LRP1B: variants seen among roughly 807,000 people sequenced by gnomAD.
The protein encoded by LRP1B is low-density lipoprotein receptor-related protein 1B.
LRP1B carries 217 observed loss-of-function variants against 556.6 expected under a neutral mutation model. The observed-to-expected ratio is 0.39, with a 90% confidence interval of 0.35 to 0.44. LRP1B has a LOEUF of 0.44. LRP1B is among the 20% of genes least tolerant of loss of function. The probability of loss-of-function intolerance (pLI) is 1.00; values close to 1 mark genes in which losing one functional copy is unlikely to be tolerated. For synonymous variants in LRP1B, 2,047 were observed against 1,865.8 expected (o/e 1.10, Z -2.50); for missense variants, 5,053 against 5,620.8 (o/e 0.90, Z 3.23).
intron 1 of LRP1B, among the ~76,000 whole-genome samples, chr2:142,099,959 G>C (rs1706513201): frequency 6.6e-6 from 1 of 151,880 alleles, no homozygotes; most frequent in South Asian, 2.1e-4. Flanking sequence ...GTGTTAGAAA[G>C]ATGTCAATTG....
rs1436053608 is a variant in LRP1B, at chr2:140,231,651, C to T, written c.*1535G>A. 2 of 151,540 alleles carry T rather than the reference C, an allele frequency of 1.3e-5. No individual in the cohort carries two copies. The highest frequency in any genetic ancestry group is 3.0e-5 in the Non-Finnish European group (2 of 67,508). The allele number at this position is 151,540 out of a possible 1,614,324, so 9.4% of individuals were successfully genotyped here. Reference sequence around the variant, plus strand: ...ACATAAATCAATAGTTTATAAAGGCCTCAATATGGCAAAGTTTAGAAATAG... The same window carrying T: ...ACATAAATCAATAGTTTATAAAGGCTTCAATATGGCAAAGTTTAGAAATAG... On this transcript the variant is annotated 3_prime_UTR_variant, in exon 91 of 91. Transcript: ENST00000389484.
Position 141,319,307 on chromosome 2 carries a change from G to GT in LRP1B, c.344-64667dup, listed in dbSNP as rs1370500448. 8.9e-4 allele frequency among the ~76,000 whole-genome samples: 79 copies of GT among 88,788 alleles called. 1 individual carries two copies. The highest frequency in any genetic ancestry group is 5.4e-3 in the South Asian group (16 of 2,956). The allele number at this position is 88,788 out of a possible 152,430, so 58.2% of individuals were successfully genotyped here. ...AGTCTCTAAAAAGCAGTGTTTTTTTGTTGTTTTTTTTTTTTTTCCTACTCT... is the reference window on the plus strand; with the variant it reads ...AGTCTCTAAAAAGCAGTGTTTTTTTGTTTGTTTTTTTTTTTTTTCCTACTCT... On this transcript the variant is annotated intron_variant, in intron 3 of 90. Transcript: ENST00000389484.
chr2:141,013,659 A>G lies in LRP1B; in HGVS notation c.2277T>C (p.Gly759=). Residue 759 remains glycine (G), a synonymous_variant, in exon 14 of 91, where the codon GGT becomes GGC. Transcript: ENST00000389484. The part of the protein sequence containing the change: ...NYVFWTDYMN[G]SIFQLDLITS... Reference sequence around the variant, plus strand: ...TTATCAAATCTAGTTGAAAAATGGAACCATTCATATAATCAGTCCAGAACA... The same window carrying G: ...TTATCAAATCTAGTTGAAAAATGGAGCCATTCATATAATCAGTCCAGAACA... 1.2e-6 allele frequency: 2 copies of G among 1,612,238 alleles called. No individual in the cohort carries two copies. The highest frequency in any genetic ancestry group is 1.7e-5 in the Admixed American group (1 of 59,806).
intron 1 of LRP1B, among the ~76,000 whole-genome samples, chr2:141,885,512 T>G (rs1248669363): frequency 1.3e-5 from 2 of 152,078 alleles, no homozygotes; most frequent in Non-Finnish European, 2.9e-5. Flanking sequence ...CAAAAAACGC[T>G]GTGGAATGAG....
At chr2:140,985,900 T>C (rs144810591) in intron 17 of LRP1B, among the ~76,000 whole-genome samples, 2,134 of 152,132 alleles carry the variant, frequency 0.014, 76 homozygotes, top group East Asian at 0.13. Flanking sequence ...AAAATGTATG[T>C]ACTTACATTT....
At chr2:141,216,991 G>A (rs1682841765) in intron 6 of LRP1B, among the ~76,000 whole-genome samples, 2 of 152,338 alleles carry the variant, frequency 1.3e-5, no homozygotes. Context: ...ATGCTGGAAT[G>A]AGGTCAGACT....
chr2:140,397,427 C>T (rs555366558), intron 66 of LRP1B, among the ~76,000 whole-genome samples: 1 of 152,060 alleles, frequency 6.6e-6, no homozygotes, highest in Non-Finnish European at 1.5e-5. Context: ...TTGAATTAGA[C>T]TTGTATTCCT....
intron 66 of LRP1B, among the ~76,000 whole-genome samples, chr2:140,438,060 C>G (rs1686263945): frequency 6.6e-6 from 1 of 152,032 alleles, no homozygotes; most frequent in Non-Finnish European, 1.5e-5. Flanking sequence ...TGTCTGTCAC[C>G]TAGGCTACAG....
chr2:140,678,625 G>A (rs1276806264), intron 41 of LRP1B, among the ~76,000 whole-genome samples: 1 of 152,102 alleles, frequency 6.6e-6, no homozygotes, highest in East Asian at 1.9e-4. Context: ...TTTGAATATT[G>A]CATTAGTTTG....
chr2:142,071,904 G>T (rs1341399100), intron 1 of LRP1B, among the ~76,000 whole-genome samples: 1 of 151,898 alleles, frequency 6.6e-6, no homozygotes, highest in Non-Finnish European at 1.5e-5. Flanking sequence ...CCAAAATGGA[G>T]ATTACTAACT....
At position 141,781,774 on chromosome 2, in the gene LRP1B, T is replaced by C. The variant is rs1365552295; in HGVS notation, c.205+28505A>G. 2.0e-5 allele frequency among the ~76,000 whole-genome samples: 3 copies of C among 152,142 alleles called. No individual in the cohort carries two copies. In the East Asian group the frequency reaches 5.8e-4, roughly 29 times the overall value. On this transcript the variant is annotated intron_variant, in intron 2 of 90. Coordinates refer to ENST00000389484, the MANE Select transcript of LRP1B (RefSeq NM_018557.3). Reference sequence around the variant, plus strand: ...AGACATGTATGCACATTTTCCAAGATAAAAATTTTCTGAGAGAGCTAGGGA... The same window carrying C: ...AGACATGTATGCACATTTTCCAAGACAAAAATTTTCTGAGAGAGCTAGGGA...
rs1329315314 is a variant in LRP1B at position 142,130,736 on chromosome 2, C to G, written c.-7G>C. 2 of 1,608,482 alleles carry G rather than the reference C, an allele frequency of 1.2e-6. No individual in the cohort carries two copies. Among genetic ancestry groups the G allele is most frequent in the African/African-American group, 2.7e-5 (2 of 74,670 alleles). ...CGAGGAGAAACTCGGACATTGTGGTCGCCCGGTAAGGAAGCCTGCGCTGGA... is the reference window on the plus strand; with the variant it reads ...CGAGGAGAAACTCGGACATTGTGGTGGCCCGGTAAGGAAGCCTGCGCTGGA... On this transcript the variant is annotated 5_prime_UTR_variant, in exon 1 of 91. Transcript: ENST00000389484.
At chr2:140,366,183 CA>C (rs1241162897) in intron 71 of LRP1B, among the ~76,000 whole-genome samples, 1 of 151,610 alleles carries the variant, frequency 6.6e-6, no homozygotes, top group Non-Finnish European at 1.5e-5. Context: ...CATGGCAATC[CA>C]GAGAAGAACT....
At chr2:140,513,685 TA>T (rs1445458855) in intron 51 of LRP1B, among the ~76,000 whole-genome samples, 3 of 151,576 alleles carry the variant, frequency 2.0e-5, no homozygotes, top group African/African-American at 7.3e-5. Context: ...GCTTGAATAC[TA>T]AAAAATACCG....
rs1189231912 is a variant in LRP1B at position 140,313,154 on chromosome 2, CTTAA to C, written c.12805+1777_12805+1780del. Among the ~76,000 whole-genome samples, 13 of 151,890 alleles carry C rather than the reference CTTAA, an allele frequency of 8.6e-5. No homozygotes were observed. The East Asian group carries it at 2.5e-3, about 29-fold the overall frequency. ...AAAGTGAAAAATGCTTTTTAAGTGA[CTTAA>C]TTACATATCATATAATTATTATTAG... On this transcript the variant is annotated intron_variant, in intron 83 of 90. Coordinates refer to ENST00000389484, the MANE Select transcript of LRP1B (RefSeq NM_018557.3).
chr2:141,139,473 CTATA>C (rs1048362047), intron 7 of LRP1B, among the ~76,000 whole-genome samples: 3 of 150,852 alleles, frequency 2.0e-5, no homozygotes, highest in Admixed American at 6.6e-5. Flanking sequence ...TTGGTGTATA[CTATA>C]TATAAAGAAC....
intron 31 of LRP1B, among the ~76,000 whole-genome samples, chr2:140,835,838 C>A (rs1481739337): frequency 1.3e-5 from 2 of 152,216 alleles, no homozygotes; most frequent in Non-Finnish European, 2.9e-5. Context: ...CGCACCTGGC[C>A]ACATGCCTAT....
At chr2:141,232,077 G>C (rs1683493104) in intron 5 of LRP1B, among the ~76,000 whole-genome samples, 2 of 152,154 alleles carry the variant, frequency 1.3e-5, no homozygotes, top group Admixed American at 6.5e-5. Flanking sequence ...GACCACATCT[G>C]AGCCTGGTTA....
chr2:140,899,631 T>C (rs989408861), intron 23 of LRP1B, among the ~76,000 whole-genome samples: 4 of 152,186 alleles, frequency 2.6e-5, no homozygotes, highest in African/African-American at 9.7e-5. Flanking sequence ...TCAGTTCAAT[T>C]GCAGTGTTTA....
Sources: allele counts gnomAD v4.1 joint callset (sites outside exome capture counted in the v4.1 genomes callset), GRCh38; gene constraint gnomAD v4.1.1; transcripts MANE v1.5; gene names NCBI Gene and HGNC (gene_info 2026-07-23, HGNC 2026-07-21).